Variants in PTPRD observed in about 807,000 individuals in gnomAD.
PTPRD encodes receptor-type tyrosine-protein phosphatase delta.
In PTPRD, 34 loss-of-function variants were observed where a neutral mutation model predicts 214.5. The ratio of observed to expected loss-of-function variants is 0.16; its 90% CI spans 0.12 to 0.21. The LOEUF is 0.21. Ranked by LOEUF, PTPRD falls within the 10% of genes least tolerant of loss-of-function variation. The pLI is 1.00. For synonymous variants in PTPRD, 1,128 were observed against 845.7 expected, an observed-to-expected ratio of 1.33 and a Z score of -5.79; for missense variants, 2,545 against 2,398.7, an observed-to-expected ratio of 1.06 and a Z score of -1.27.
intron 8 of PTPRD, among the ~76,000 whole-genome samples, chr9:9,495,640 C>G (rs533442811): frequency 6.6e-6 from 1 of 152,074 alleles, no homozygotes; most frequent in South Asian, 2.1e-4. Context: ...TTCCCATCCC[C>G]GCCCCGACTC....
intron 39 of PTPRD, among the ~76,000 whole-genome samples, chr9:8,350,791 A>C (rs2075239981): frequency 6.6e-6 from 1 of 152,198 alleles, no homozygotes; most frequent in Non-Finnish European, 1.5e-5. Flanking sequence ...TAAAATGAAA[A>C]AAAATTGAAC....
In PTPRD at chr9:9,395,558, A is replaced by G. The variant is rs565660546; in HGVS notation, c.-203+1891T>C. ...ATGGCCTTCTTCAAGCACCTACAAG[A>G]CTCTGGGTTTCAGAATATTCTTCAG... is the stretch of plus-strand genomic sequence containing the variant. On this transcript the variant is annotated intron_variant, in intron 9 of 45. Coordinates refer to ENST00000381196, the MANE Select transcript of PTPRD (RefSeq NM_002839.4). 5.3e-5 allele frequency among the ~76,000 whole-genome samples: 8 copies of G among 152,028 alleles called. No individual in the cohort carries two copies. In the South Asian group the frequency reaches 1.7e-3, roughly 32 times the overall value.
At chr9:10,192,806 A>C (rs142263967) in intron 3 of PTPRD, among the ~76,000 whole-genome samples, 88 of 152,290 alleles carry the variant, frequency 5.8e-4, no homozygotes, top group African/African-American at 2.1e-3. Flanking sequence ...AACCAATGTT[A>C]ATGAGGATTT....
intron 4 of PTPRD, among the ~76,000 whole-genome samples, chr9:9,969,883 A>G (rs1387859866): frequency 1.3e-5 from 2 of 152,178 alleles, no homozygotes; most frequent in African/African-American, 2.4e-5. Flanking sequence ...AGGAACTTGT[A>G]TACATTTTTC....
intron 9 of PTPRD, among the ~76,000 whole-genome samples, chr9:9,251,857 C>T (rs2099975608): frequency 6.6e-6 from 1 of 152,170 alleles, no homozygotes; most frequent in African/African-American, 2.4e-5. Context: ...GTCGCTGCAG[C>T]AGTCTTAACT....
intron 34 of PTPRD, among the ~76,000 whole-genome samples, chr9:8,438,454 G>A (rs960923162): frequency 6.6e-6 from 1 of 152,110 alleles, no homozygotes; most frequent in African/African-American, 2.4e-5. Context: ...CAAAATTTTG[G>A]AACCCTTTCT....
At chr9:9,684,201 A>G (rs944241090) in intron 7 of PTPRD, among the ~76,000 whole-genome samples, 1 of 151,724 alleles carries the variant, frequency 6.6e-6, no homozygotes, top group Non-Finnish European at 1.5e-5. Flanking sequence ...ATGTCACTCA[A>G]GGAATCATGT....
intron 11 of PTPRD, among the ~76,000 whole-genome samples, chr9:8,927,052 T>C (rs561717562): frequency 1.3e-5 from 2 of 152,168 alleles, no homozygotes; most frequent in African/African-American, 4.8e-5. Context: ...GTCCAGACAT[T>C]GAATGATTTG....
At chr9:10,432,464 G>A (rs2098689414) in intron 2 of PTPRD, among the ~76,000 whole-genome samples, 1 of 151,516 alleles carries the variant, frequency 6.6e-6, no homozygotes, top group African/African-American at 2.4e-5. Context: ...TTCTTTCCAA[G>A]TTCAAATTCT....
intron 9 of PTPRD, among the ~76,000 whole-genome samples, chr9:9,279,743 G>A (rs142549303): frequency 3.1e-4 from 46 of 150,790 alleles, no homozygotes; most frequent in African/African-American, 1.1e-3. Flanking sequence ...TCTAACCCTG[G>A]AGTAACTACA....
chr9:9,861,484 G>T (rs935150729), intron 5 of PTPRD, among the ~76,000 whole-genome samples: 1 of 152,096 alleles, frequency 6.6e-6, no homozygotes, highest in Non-Finnish European at 1.5e-5. Context: ...TAGAGATGGG[G>T]TTTCACCATG....
intron 2 of PTPRD, among the ~76,000 whole-genome samples, chr9:10,377,555 C>T (rs1265886489): frequency 6.6e-6 from 1 of 150,942 alleles, no homozygotes; most frequent in African/African-American, 2.4e-5. Context: ...TTTTTTTTGT[C>T]CTTGCAATAG....
chr9:9,155,779 T>C (rs1340000825), intron 10 of PTPRD, among the ~76,000 whole-genome samples: 1 of 152,162 alleles, frequency 6.6e-6, no homozygotes, highest in African/African-American at 2.4e-5. Flanking sequence ...CCTGGTGATA[T>C]CACTTGGACA....
chr9:8,912,356 A>G (rs570747604), intron 11 of PTPRD, among the ~76,000 whole-genome samples: 148 of 152,298 alleles, frequency 9.7e-4, no homozygotes, highest in African/African-American at 3.5e-3. Context: ...ACCCTAAAAC[A>G]TGGATGAACT....
intron 7 of PTPRD, among the ~76,000 whole-genome samples, chr9:9,649,011 G>A (rs986937100): frequency 9.2e-5 from 14 of 152,070 alleles, no homozygotes; most frequent in Admixed American, 9.2e-4. Context: ...CAAGCAGAGG[G>A]GCCTTTGTGT....
intron 10 of PTPRD, among the ~76,000 whole-genome samples, chr9:9,154,940 T>C (rs764881398): frequency 1.1e-4 from 16 of 152,220 alleles, no homozygotes; most frequent in Admixed American, 3.3e-4. Context: ...AAGAGTTAAC[T>C]CTTATTTTCT....
At chr9:10,555,497 G>A (rs2062341707) in intron 2 of PTPRD, among the ~76,000 whole-genome samples, 1 of 152,090 alleles carries the variant, frequency 6.6e-6, no homozygotes, top group Non-Finnish European at 1.5e-5. Flanking sequence ...AAGCTATTAG[G>A]AGCACTTGGG....
chr9:8,402,691 CAA>C (rs35921932), intron 36 of PTPRD, among the ~76,000 whole-genome samples: 31 of 151,762 alleles, frequency 2.0e-4, no homozygotes, highest in Non-Finnish European at 4.1e-4. Context: ...AGACCCCCCA[CAA>C]AAAAACCTGT....
At chr9:9,579,006 T>C (rs766560831) in intron 7 of PTPRD, among the ~76,000 whole-genome samples, 1 of 152,158 alleles carries the variant, frequency 6.6e-6, no homozygotes, top group African/African-American at 2.4e-5. Context: ...TATAAGTATA[T>C]TGTTCTTTAT....
Sources: allele counts gnomAD v4.1 joint callset (sites outside exome capture counted in the v4.1 genomes callset), GRCh38; gene constraint gnomAD v4.1.1; transcripts MANE v1.5; gene names NCBI Gene and HGNC (gene_info 2026-07-23, HGNC 2026-07-21).